The following SEMA3A variants were observed in gnomAD, a reference collection of about 807,000 sequenced individuals.
The protein encoded by SEMA3A is semaphorin-3A.
SEMA3A carries 29 observed loss-of-function variants against 97.9 expected under a neutral mutation model. That is an observed-to-expected ratio of 0.30 (90% confidence interval 0.22 to 0.40). The LOEUF (loss-of-function observed/expected upper bound fraction) is 0.40, where lower values mean the gene tolerates loss of function less well. SEMA3A is among the 10% of genes least tolerant of loss of function. The pLI, the probability that SEMA3A is intolerant of heterozygous loss-of-function variation, is 1.00. For missense variants in SEMA3A, 763 were observed against 951.3 expected, an observed-to-expected ratio of 0.80 and a Z score of 2.60; for synonymous variants, 321 against 323.7, an observed-to-expected ratio of 0.99 and a Z score of 0.09.
intron 1 of SEMA3A, among the ~76,000 whole-genome samples, chr7:84,187,939 A>C (rs1432954310): frequency 2.6e-5 from 4 of 152,246 alleles, no homozygotes; most frequent in Non-Finnish European, 2.9e-5. Flanking sequence ...TAAATGAGTC[A>C]ATTGACATAT....
chr7:84,465,149 AT>A (rs1183733741), intron 1 of SEMA3A, among the ~76,000 whole-genome samples: 1 of 152,120 alleles, frequency 6.6e-6, no homozygotes, highest in African/African-American at 2.4e-5. Context: ...AATAACCTAA[AT>A]TTTTCTAGTA....
chr7:84,433,234 AC>A (rs1428714535), intron 1 of SEMA3A, among the ~76,000 whole-genome samples: 2 of 73,740 alleles, frequency 2.7e-5, no homozygotes, highest in African/African-American at 1.1e-4. Flanking sequence ...CTAGCCTCCC[AC>A]CCCCCGACAG....
intron 1 of SEMA3A, among the ~76,000 whole-genome samples, chr7:84,383,246 T>C (rs1803314869): frequency 6.6e-6 from 1 of 152,128 alleles, no homozygotes; most frequent in African/African-American, 2.4e-5. Context: ...ACTAAGCCAA[T>C]GAACTTCTGT....
chr7:84,384,889 A>C (rs558419985), intron 1 of SEMA3A, among the ~76,000 whole-genome samples: 1 of 152,312 alleles, frequency 6.6e-6, no homozygotes, highest in African/African-American at 2.4e-5. Flanking sequence ...TCATCTACAA[A>C]GAAACACTCT....
intron 1 of SEMA3A, among the ~76,000 whole-genome samples, chr7:84,483,720 G>C (rs191780748): frequency 1.3e-5 from 2 of 151,506 alleles, no homozygotes; most frequent in Admixed American, 6.6e-5. Flanking sequence ...GACTTTGAGT[G>C]GGGAATAGAC....
At chr7:84,434,229 G>A (rs1294289834) in intron 1 of SEMA3A, among the ~76,000 whole-genome samples, 2 of 151,922 alleles carry the variant, frequency 1.3e-5, no homozygotes, top group Non-Finnish European at 2.9e-5. Context: ...AGAAGTGTGT[G>A]TTCATCTATG....
At chr7:84,302,315 C>T (rs983645733) in intron 3 of SEMA3A, among the ~76,000 whole-genome samples, 2 of 152,086 alleles carry the variant, frequency 1.3e-5, no homozygotes, top group Admixed American at 1.3e-4. Context: ...AGGATATACA[C>T]TTCATTAAAA....
intron 1 of SEMA3A, among the ~76,000 whole-genome samples, chr7:84,481,692 T>C (rs1261146406): frequency 6.6e-6 from 1 of 152,120 alleles, no homozygotes; most frequent in Non-Finnish European, 1.5e-5. Flanking sequence ...TATTGCACCA[T>C]CTTCATTTTA....
rs138196168 is a variant in SEMA3A at position 84,161,087 on chromosome 7, C to T, written c.113-26136G>A. ...TATTTAAGAATTTTAAAATTTAGGCCGGGCGTGGTGTCTCATGCCTGTAAT... is the reference window on the plus strand; with the variant it reads ...TATTTAAGAATTTTAAAATTTAGGCTGGGCGTGGTGTCTCATGCCTGTAAT... On this transcript the variant is annotated intron_variant, in intron 1 of 16. Coordinates refer to ENST00000265362, the MANE Select transcript of SEMA3A (RefSeq NM_006080.3). Among the ~76,000 whole-genome samples the T allele has an allele frequency of 2.5e-3, 384 of 151,802 alleles. 2 individuals are homozygous for T. Among genetic ancestry groups the T allele is most frequent in the African/African-American group, 8.4e-3 (350 of 41,422 alleles).
At chr7:84,103,775 AAAG>A (rs1471914497) in intron 4 of SEMA3A, among the ~76,000 whole-genome samples, 1 of 152,190 alleles carries the variant, frequency 6.6e-6, no homozygotes, top group Non-Finnish European at 1.5e-5. Flanking sequence ...TCGAGAGGTA[AAAG>A]AAGGATTATG....
At chr7:84,199,870 T>C (rs1268051371), upstream of SEMA3A, among the ~76,000 whole-genome samples, 1 of 152,162 alleles carries the variant, frequency 6.6e-6, no homozygotes, top group East Asian at 1.9e-4. Context: ...CTGTAGTTGT[T>C]GCTGGAAACC....
At chr7:84,036,263 T>G (rs529038988) in intron 6 of SEMA3A, among the ~76,000 whole-genome samples, 1 of 152,264 alleles carries the variant, frequency 6.6e-6, no homozygotes, top group East Asian at 1.9e-4. Flanking sequence ...TATGATCCTA[T>G]AGATGTATTA....
chr7:84,258,453 G>T (rs1421095693), intron 3 of SEMA3A, among the ~76,000 whole-genome samples: 1 of 152,082 alleles, frequency 6.6e-6, no homozygotes, highest in Non-Finnish European at 1.5e-5. Flanking sequence ...TCCAAAGAAA[G>T]ATTTATATGC....
intron 1 of SEMA3A, among the ~76,000 whole-genome samples, chr7:84,404,365 A>G (rs1426497677): frequency 2.0e-5 from 3 of 152,156 alleles, no homozygotes; most frequent in South Asian, 2.1e-4. Flanking sequence ...AAAGAAACGA[A>G]CAAAGCCTCC....
At chr7:84,392,160 A>G (rs2116178583) in intron 1 of SEMA3A, among the ~76,000 whole-genome samples, 1 of 152,196 alleles carries the variant, frequency 6.6e-6, no homozygotes, top group East Asian at 1.9e-4. Flanking sequence ...AAGTTATTAG[A>G]GGTATTCGTC....
intron 2 of SEMA3A, among the ~76,000 whole-genome samples, chr7:84,326,832 A>G (rs1449234815): frequency 6.6e-6 from 1 of 152,068 alleles, no homozygotes; most frequent in East Asian, 1.9e-4. Flanking sequence ...GAGATTGATT[A>G]AAGACTTAAA....
intron 3 of SEMA3A, among the ~76,000 whole-genome samples, chr7:84,207,636 G>A (rs1424825881): frequency 2.6e-5 from 4 of 152,142 alleles, no homozygotes; most frequent in African/African-American, 7.2e-5. Flanking sequence ...ATTTCATTAC[G>A]TATAGGTTTG....
At chr7:84,136,741 C>A (rs1796135849) in intron 1 of SEMA3A, among the ~76,000 whole-genome samples, 1 of 151,788 alleles carries the variant, frequency 6.6e-6, no homozygotes, top group Admixed American at 6.6e-5. Context: ...TTTCATATTA[C>A]CTGGTCAACA....
At chr7:84,365,367 T>C (rs1802821283) in intron 2 of SEMA3A, among the ~76,000 whole-genome samples, 1 of 151,558 alleles carries the variant, frequency 6.6e-6, no homozygotes, top group South Asian at 2.1e-4. Flanking sequence ...TTGTTTGAGC[T>C]CTCTCTCTGC....
Sources: gnomAD v4.1 joint callset for allele counts (sites outside exome capture counted in the v4.1 genomes callset) on GRCh38, gnomAD v4.1.1 for gene constraint, MANE v1.5 for transcripts, NCBI Gene and HGNC (gene_info 2026-07-23, HGNC 2026-07-21) for gene names.